Variants in KMT2C observed in about 807,000 individuals in gnomAD.
KMT2C encodes lysine methyltransferase 2C.
A neutral mutation model predicts 507.9 loss-of-function variants in KMT2C; 88 were observed. The ratio of observed to expected loss-of-function variants is 0.17; its 90% CI spans 0.15 to 0.21. KMT2C has a LOEUF of 0.21. Ranked by LOEUF, KMT2C falls within the 10% of genes least tolerant of loss-of-function variation. The probability of loss-of-function intolerance (pLI) is 1.00; values close to 1 mark genes in which losing one functional copy is unlikely to be tolerated. For missense variants in KMT2C, 4,954 were observed against 5,957.8 expected (o/e 0.83, Z 5.55); for synonymous variants, 2,049 against 2,080.8 (o/e 0.98, Z 0.42).
At chr7:152,284,425 T>C (rs998747873) in intron 6 of KMT2C, among the ~76,000 whole-genome samples, 4 of 152,142 alleles carry the variant, frequency 2.6e-5, no homozygotes, top group Non-Finnish European at 4.4e-5. Context: ...ACATGAATCT[T>C]ATCTCAAATT....
At chr7:152,344,962 G>A (rs2097042020) in intron 2 of KMT2C, among the ~76,000 whole-genome samples, 2 of 151,996 alleles carry the variant, frequency 1.3e-5, no homozygotes, top group African/African-American at 2.4e-5. Context: ...ACTCCAGCCT[G>A]GGCAACAGAG....
rs962490829 is a variant in KMT2C at position 152,205,297 on chromosome 7, C to G, written c.3842-72G>C. Reference sequence around the variant, plus strand: ...CATTTCCACAGTACACAGGATAAAACTGCTTTATCTTGAATAGTAAGTCAT... The same window carrying G: ...CATTTCCACAGTACACAGGATAAAAGTGCTTTATCTTGAATAGTAAGTCAT... On this transcript the variant is annotated intron_variant, in intron 24 of 58. Coordinates refer to ENST00000262189, the MANE Select transcript of KMT2C (RefSeq NM_170606.3). 10 of 1,224,376 alleles carry G rather than the reference C, an allele frequency of 8.2e-6. No homozygotes were observed. In the Admixed American group the frequency reaches 2.0e-4, roughly 25 times the overall value. The allele number at this position is 1,224,376 out of a possible 1,614,324, so 75.8% of individuals were successfully genotyped here. A position where few individuals can be genotyped will look rare whatever the true frequency, so the allele number is the denominator to read the frequency against.
chr7:152,315,026 G>A, intron 4 of KMT2C, 112 bp downstream of exon 4: 2 of 872,474 alleles, frequency 2.3e-6, no homozygotes, highest in Non-Finnish European at 3.6e-6. Flanking sequence ...GTGGAGAACA[G>A]GAGAAACTGT....
At chr7:152,241,616 C>T (rs1358952636) in intron 14 of KMT2C, among the ~76,000 whole-genome samples, 1 of 152,190 alleles carries the variant, frequency 6.6e-6, no homozygotes, top group Non-Finnish European at 1.5e-5. Context: ...ATTGCATCAC[C>T]ACCTAGGACG....
In KMT2C at chr7:152,163,663, G is replaced by A. The variant is rs1222241925; in HGVS notation, c.9914C>T (p.Pro3305Leu). The part of the protein sequence containing the change: ...TPPTMSQPTF[P>L]MVPQQLQHQQ... ...GTGCTGAAGCTGCTGTGGCACCATGGGAAAGGTGGGTTGGCTCATGGTGGG... is the reference window on the plus strand; with the variant it reads ...GTGCTGAAGCTGCTGTGGCACCATGAGAAAGGTGGGTTGGCTCATGGTGGG... Residue 3305 changes from proline to leucine, a missense_variant, in exon 43 of 59, where the codon CCC (proline) becomes CTC (leucine). Around this residue, in one of 29 missense-constraint regions of KMT2C, gnomAD observed 801 missense variants for 751.2 expected, o/e 1.07. Transcript: ENST00000262189. The A allele has an allele frequency of 6.2e-7, 1 of 1,613,590 alleles. No homozygotes were observed. Among genetic ancestry groups the A allele is most frequent in the Non-Finnish European group, 8.5e-7 (1 of 1,179,760 alleles).
chr7:152,191,902 C>A (rs2129127482), intron 31 of KMT2C, among the ~76,000 whole-genome samples: 1 of 152,256 alleles, frequency 6.6e-6, no homozygotes, highest in East Asian at 1.9e-4. Flanking sequence ...TAGTGATTCA[C>A]AAGGCTGTAC....
Position 152,426,230 on chromosome 7 carries a change from GTT to G in KMT2C, c.161+9394_161+9395del, listed in dbSNP as rs10709636. Among the ~76,000 whole-genome samples the G allele has an allele frequency of 9.5e-3, 901 of 94,628 alleles. 6 individuals carry two copies. Among genetic ancestry groups the G allele is most frequent in the African/African-American group, 0.037 (871 of 23,528 alleles). 62.1% of individuals were successfully genotyped at this position (94,628 alleles called of 152,430 possible). A position where few individuals can be genotyped will look rare whatever the true frequency, so the allele number is the denominator to read the frequency against. On this transcript the variant is annotated intron_variant, in intron 1 of 58. Coordinates refer to ENST00000262189, the MANE Select transcript of KMT2C (RefSeq NM_170606.3). Reference sequence around the variant, plus strand: ...AACAACTGCATTATTTTATGTCATAGTTTTTTTTTTTTTTTTTTTTTTTGGGA... The same window carrying G: ...AACAACTGCATTATTTTATGTCATAGTTTTTTTTTTTTTTTTTTTTTGGGA...
intron 24 of KMT2C, among the ~76,000 whole-genome samples, chr7:152,206,448 AAGAT>A (rs945877389): frequency 3.9e-5 from 6 of 152,274 alleles, no homozygotes; most frequent in African/African-American, 1.4e-4. Context: ...ACCTATTTAA[AAGAT>A]AGGTTATCTT....
intron 2 of KMT2C, among the ~76,000 whole-genome samples, chr7:152,342,971 G>T (rs1029693302): frequency 6.6e-6 from 1 of 152,062 alleles, no homozygotes; most frequent in African/African-American, 2.4e-5. Context: ...GAAAGGGCAG[G>T]GTGGGGAGGA....
chr7:152,209,518 T>C (rs2094402980), intron 23 of KMT2C, among the ~76,000 whole-genome samples: 1 of 151,066 alleles, frequency 6.6e-6, no homozygotes, highest in Non-Finnish European at 1.5e-5. Flanking sequence ...AATTCATATG[T>C]TAAAATTACA....
chr7:152,338,683 C>G (rs1008293102), intron 2 of KMT2C, among the ~76,000 whole-genome samples: 5 of 152,114 alleles, frequency 3.3e-5, no homozygotes, highest in African/African-American at 1.2e-4. Context: ...GATCACAAAG[C>G]TAATAGGAAA....
intron 39 of KMT2C, among the ~76,000 whole-genome samples, chr7:152,172,221 T>A (rs921018963): frequency 1.3e-5 from 2 of 152,216 alleles, no homozygotes; most frequent in African/African-American, 4.8e-5. Context: ...ACATGGTCTA[T>A]CATCCTAACT....
intron 2 of KMT2C, among the ~76,000 whole-genome samples, chr7:152,332,621 G>A (rs774544602): frequency 1.4e-4 from 22 of 152,206 alleles, no homozygotes; most frequent in East Asian, 5.8e-4. Flanking sequence ...CAAGGTGGGC[G>A]GATAACCTGA....
At chr7:152,180,183 G>A (rs2129118538) in intron 36 of KMT2C, 57 bp from the exon 37 acceptor site, 2 of 1,566,292 alleles carry the variant, frequency 1.3e-6, no homozygotes, top group Non-Finnish European at 1.7e-6. Context: ...GCTTTTTAAA[G>A]GTTACTGGCT....
intron 1 of KMT2C, among the ~76,000 whole-genome samples, chr7:152,364,934 G>GACAGACAGAC (rs1554680382): frequency 1.4e-5 from 2 of 138,058 alleles, no homozygotes; most frequent in East Asian, 2.1e-4. Flanking sequence ...GAAACAGACA[G>GACAGACAGAC]ACACACACAC....
At chr7:152,332,556 T>G (rs1465342348) in intron 2 of KMT2C, among the ~76,000 whole-genome samples, 2 of 152,122 alleles carry the variant, frequency 1.3e-5, no homozygotes, top group Non-Finnish European at 2.9e-5. Flanking sequence ...ATTATAACAA[T>G]TATTCTCAGC....
In KMT2C at chr7:152,138,646, A is replaced by G; in HGVS notation, c.14643+150T>C. 1.8e-6 allele frequency: 1 copy of G among 559,924 alleles called. No homozygotes were observed. The highest frequency in any genetic ancestry group is 2.2e-5 in the South Asian group (1 of 45,556). The allele number at this position is 559,924 out of a possible 1,614,324, so 34.7% of individuals were successfully genotyped here. On this transcript the variant is annotated intron_variant, in intron 58 of 58. Coordinates refer to ENST00000262189, the MANE Select transcript of KMT2C (RefSeq NM_170606.3). The surrounding 1 kb of genome is among the most constrained non-coding windows in gnomAD (Gnocchi z 4.2). ...AACTGGAGTGCCTGAAGGGTGAGAT[A>G]CTGCAGGGTGGGAACATCTGGCCTA...
rs536178357 is a variant in KMT2C, at chr7:152,260,679, T to C, written c.1299+2337A>G. ...ATTTGTAATATGAAACATTATACTG[T>C]GCCAAGTTCTTATAGCCTAAAGGGA... is the stretch of plus-strand genomic sequence containing the variant. On this transcript the variant is annotated intron_variant, in intron 9 of 58. Transcript: ENST00000262189. Among the ~76,000 whole-genome samples the C allele has an allele frequency of 5.9e-5, 9 of 152,374 alleles. No individual in the cohort carries two copies. In the East Asian group the frequency reaches 1.5e-3, roughly 26 times the overall value.
intron 1 of KMT2C, among the ~76,000 whole-genome samples, chr7:152,424,227 C>A (rs2097796532): frequency 6.6e-6 from 1 of 152,152 alleles, no homozygotes; most frequent in Non-Finnish European, 1.5e-5. Flanking sequence ...GATCCTCCCA[C>A]CTCAACCTCC....
Sources: gnomAD v4.1 joint callset for allele counts (sites outside exome capture counted in the v4.1 genomes callset) on GRCh38, gnomAD v4.1.1 for gene constraint, gnomAD v4.1.1 regional missense constraint, Gnocchi (gnomAD v3.1) non-coding constraint, MANE v1.5 for transcripts, NCBI Gene and HGNC (gene_info 2026-07-23, HGNC 2026-07-21) for gene names.